The following PDE4D variants were observed in gnomAD, a reference collection of about 807,000 sequenced individuals.
The protein encoded by PDE4D is 3',5'-cyclic-AMP phosphodiesterase 4D.
PDE4D carries 24 observed loss-of-function variants against 87.4 expected under a neutral mutation model. The observed-to-expected ratio is 0.27, with a 90% CI of 0.20 to 0.39. The LOEUF (loss-of-function observed/expected upper bound fraction) is 0.39, where lower values mean the gene tolerates loss of function less well. PDE4D is among the 10% of genes least tolerant of loss of function. The probability of loss-of-function intolerance (pLI) is 1.00; values close to 1 mark genes in which losing one functional copy is unlikely to be tolerated. For synonymous variants in PDE4D, 384 were observed against 383.2 expected (o/e 1.00, Z -0.02); for missense variants, 714 against 1,041.0 (o/e 0.69, Z 4.32).
chr5:60,270,284 C>T (rs1434460800), intron 1 of PDE4D, among the ~76,000 whole-genome samples: 1 of 152,188 alleles, frequency 6.6e-6, no homozygotes, highest in Non-Finnish European at 1.5e-5. Context: ...CTAGGGTACT[C>T]ATTTACAGTT....
chr5:59,397,312 T>C (rs1197514109), intron 1 of PDE4D, among the ~76,000 whole-genome samples: 1 of 124,684 alleles, frequency 8.0e-6, no homozygotes, highest in South Asian at 2.7e-4. Flanking sequence ...TATTCCAAAA[T>C]TGACCATTTA....
At chr5:59,408,816 C>A in intron 1 of PDE4D, among the ~76,000 whole-genome samples, 1 of 152,078 alleles carries the variant, frequency 6.6e-6, no homozygotes, top group African/African-American at 2.4e-5. Flanking sequence ...TGGGTGGGGC[C>A]TGAAGTCATT....
At chr5:59,542,746 C>T (rs1306833236) in intron 1 of PDE4D, among the ~76,000 whole-genome samples, 1 of 152,148 alleles carries the variant, frequency 6.6e-6, no homozygotes, top group East Asian at 1.9e-4. Context: ...AGAAGACCAA[C>T]ACCTGCCCTA....
intron 1 of PDE4D, among the ~76,000 whole-genome samples, chr5:59,652,247 C>G (rs1419804960): frequency 6.6e-6 from 1 of 152,198 alleles, no homozygotes; most frequent in Non-Finnish European, 1.5e-5. Flanking sequence ...GTGAAGCACT[C>G]ACTGAGAACA....
chr5:59,928,563 G>C (rs1219368875), intron 3 of PDE4D, among the ~76,000 whole-genome samples: 1 of 152,066 alleles, frequency 6.6e-6, no homozygotes, highest in East Asian at 1.9e-4. Flanking sequence ...GGGCAACACA[G>C]TGAGACTCCA....
intron 1 of PDE4D, among the ~76,000 whole-genome samples, chr5:59,577,895 A>T (rs1823438077): frequency 6.6e-6 from 1 of 152,180 alleles, no homozygotes; most frequent in South Asian, 2.1e-4. Flanking sequence ...TTGGAGACAT[A>T]AAAGAGAATT....
intron 1 of PDE4D, among the ~76,000 whole-genome samples, chr5:59,638,692 T>G (rs1030347176): frequency 2.0e-5 from 3 of 152,078 alleles, no homozygotes; most frequent in African/African-American, 4.8e-5. Context: ...TTTTGTTGTT[T>G]TTTTTTTAAA....
At chr5:59,628,621 G>A (rs1479196835) in intron 1 of PDE4D, among the ~76,000 whole-genome samples, 3 of 152,036 alleles carry the variant, frequency 2.0e-5, no homozygotes, top group Admixed American at 2.0e-4. Flanking sequence ...TGTTCTCCAA[G>A]CCCAGAATAG....
chr5:59,098,285 G>C lies in PDE4D; in HGVS notation c.809-59314C>G, dbSNP rs370441846. Among the ~76,000 whole-genome samples, 120 of 152,250 alleles carry C rather than the reference G, an allele frequency of 7.9e-4. 1 individual carries two copies. The South Asian group carries it at 0.024, about 31-fold the overall frequency. On this transcript the variant is annotated intron_variant, in intron 5 of 14. Transcript: ENST00000340635. ...AAGCTATTGTCTCCAATACTGCAAAGAGAAAACCTAGCAATGGAAATTACA... is the reference window on the plus strand; with the variant it reads ...AAGCTATTGTCTCCAATACTGCAAACAGAAAACCTAGCAATGGAAATTACA...
chr5:60,401,072 T>C (rs1157294094), intron 1 of PDE4D, among the ~76,000 whole-genome samples: 1 of 152,164 alleles, frequency 6.6e-6, no homozygotes, highest in African/African-American at 2.4e-5. Context: ...GGTAGTTTTG[T>C]AAACTTGGTA....
At chr5:60,254,451 G>A (rs1748826486) in intron 1 of PDE4D, among the ~76,000 whole-genome samples, 1 of 151,952 alleles carries the variant, frequency 6.6e-6, no homozygotes, top group African/African-American at 2.4e-5. Flanking sequence ...GCTGAAAGAA[G>A]TGGTTCCAAG....
At chr5:59,292,608 T>A (rs1182356985) in intron 1 of PDE4D, among the ~76,000 whole-genome samples, 5 of 152,204 alleles carry the variant, frequency 3.3e-5, no homozygotes, top group Non-Finnish European at 7.3e-5. Flanking sequence ...AGCACATAAG[T>A]TTTTTTAATT....
intron 3 of PDE4D, among the ~76,000 whole-genome samples, chr5:59,975,698 G>T (rs535926309): frequency 6.6e-6 from 1 of 152,268 alleles, no homozygotes; most frequent in East Asian, 1.9e-4. Flanking sequence ...TCACATATTG[G>T]TTACATGAAA....
chr5:59,565,619 G>C (rs928636765), intron 1 of PDE4D, among the ~76,000 whole-genome samples: 1 of 152,226 alleles, frequency 6.6e-6, no homozygotes, highest in Admixed American at 6.5e-5. Flanking sequence ...TGGGTAGTGG[G>C]GTGAAAAGGC....
chr5:59,615,190 A>AAT (rs1320096957), intron 1 of PDE4D, among the ~76,000 whole-genome samples: 1 of 152,026 alleles, frequency 6.6e-6, no homozygotes, highest in African/African-American at 2.4e-5. Context: ...GGACTTCATT[A>AAT]ATATATATAT....
intron 1 of PDE4D, among the ~76,000 whole-genome samples, chr5:59,705,053 G>T (rs188064701): frequency 2.0e-5 from 3 of 152,230 alleles, no homozygotes; most frequent in Admixed American, 2.0e-4. Context: ...AAAAAGAAAT[G>T]AAAACTGTTC....
At chr5:59,764,277 A>T (rs916818122) in intron 1 of PDE4D, among the ~76,000 whole-genome samples, 1 of 152,172 alleles carries the variant, frequency 6.6e-6, no homozygotes, top group South Asian at 2.1e-4. Flanking sequence ...TAAAAAAAAT[A>T]CTAGCTTATA....
chr5:59,307,599 C>T (rs1771660805), intron 1 of PDE4D, among the ~76,000 whole-genome samples: 1 of 151,846 alleles, frequency 6.6e-6, no homozygotes, highest in Non-Finnish European at 1.5e-5. Flanking sequence ...AGCCAAAAAA[C>T]ACATGAAAAA....
At chr5:60,293,548 C>T (rs925854600) in intron 1 of PDE4D, among the ~76,000 whole-genome samples, 1 of 152,066 alleles carries the variant, frequency 6.6e-6, no homozygotes, top group Non-Finnish European at 1.5e-5. Context: ...AGATGTAACC[C>T]ACATCCTTAT....
Sources: allele counts gnomAD v4.1 joint callset (sites outside exome capture counted in the v4.1 genomes callset), GRCh38; gene constraint gnomAD v4.1.1; transcripts MANE v1.5; gene names NCBI Gene and HGNC (gene_info 2026-07-23, HGNC 2026-07-21).